Variants in TRAPPC9 observed in about 807,000 individuals in gnomAD.
TRAPPC9 encodes IKK2 binding protein.
In TRAPPC9, 83 loss-of-function variants were observed where a neutral mutation model predicts 124.0. The observed-to-expected ratio is 0.67, with a 90% CI of 0.56 to 0.80. The LOEUF is 0.80. TRAPPC9 is among the 30% of genes least tolerant of loss of function. TRAPPC9 has a pLI of 0.00. For missense variants in TRAPPC9, 1,302 were observed against 1,508.3 expected (o/e 0.86, Z 2.27); for synonymous variants, 638 against 617.5 (o/e 1.03, Z -0.49).
intron 19 of TRAPPC9, among the ~76,000 whole-genome samples, chr8:139,946,914 G>A (rs1054900904): frequency 6.6e-6 from 1 of 152,058 alleles, no homozygotes; most frequent in African/African-American, 2.4e-5. Flanking sequence ...TTGAACCCAG[G>A]AGGCAGAGGT....
intron 17 of TRAPPC9, among the ~76,000 whole-genome samples, chr8:140,140,046 A>G (rs1246876203): frequency 2.6e-5 from 4 of 152,206 alleles, no homozygotes; most frequent in Non-Finnish European, 4.4e-5. Flanking sequence ...GCAGGACCAC[A>G]ACGGGGTGCT....
At chr8:139,797,140 G>A (rs1447645705) in intron 21 of TRAPPC9, among the ~76,000 whole-genome samples, 1 of 151,514 alleles carries the variant, frequency 6.6e-6, no homozygotes. Context: ...CGTATATTCT[G>A]GATACCAGTC....
chr8:140,411,056 G>A (rs972286185), intron 5 of TRAPPC9, among the ~76,000 whole-genome samples: 3 of 152,106 alleles, frequency 2.0e-5, no homozygotes, highest in African/African-American at 7.2e-5. Flanking sequence ...AGCACCCTGT[G>A]TATTTATCCT....
At chr8:140,113,458 G>C (rs1424619317) in intron 17 of TRAPPC9, among the ~76,000 whole-genome samples, 1 of 152,236 alleles carries the variant, frequency 6.6e-6, no homozygotes, top group Non-Finnish European at 1.5e-5. Flanking sequence ...TTTTAAAACA[G>C]CAAAAATGTC....
intron 21 of TRAPPC9, among the ~76,000 whole-genome samples, chr8:139,865,414 T>G (rs1191208086): frequency 6.6e-6 from 1 of 152,208 alleles, no homozygotes; most frequent in African/African-American, 2.4e-5. Flanking sequence ...AAGCATTTAC[T>G]TTGTACCCAC....
At chr8:140,431,692 C>T (rs981419920) in intron 4 of TRAPPC9, among the ~76,000 whole-genome samples, 1 of 152,232 alleles carries the variant, frequency 6.6e-6, no homozygotes, top group African/African-American at 2.4e-5. Flanking sequence ...AATTAGGAGC[C>T]CCTGCTCATA....
intron 15 of TRAPPC9, among the ~76,000 whole-genome samples, chr8:140,264,391 T>G (rs186767310): frequency 1.5e-4 from 23 of 152,256 alleles, no homozygotes; most frequent in East Asian, 1.4e-3. Flanking sequence ...CTTCCTTCCA[T>G]GTGTTATGAG....
intron 17 of TRAPPC9, among the ~76,000 whole-genome samples, chr8:140,174,741 A>G (rs1002813458): frequency 6.6e-6 from 1 of 152,242 alleles, no homozygotes; most frequent in Admixed American, 6.5e-5. Context: ...AGCATGGATC[A>G]GTACGTCACT....
intron 16 of TRAPPC9, among the ~76,000 whole-genome samples, chr8:140,249,404 C>A (rs1350275960): frequency 6.6e-6 from 1 of 152,102 alleles, no homozygotes. Context: ...TGTATATGTA[C>A]CACATTTTCT....
chr8:139,973,135 G>C, intron 19 of TRAPPC9, among the ~76,000 whole-genome samples: 1 of 152,246 alleles, frequency 6.6e-6, no homozygotes, highest in Non-Finnish European at 1.5e-5. Flanking sequence ...CCCAGTTATT[G>C]TGGCCCTGCA....
At chr8:140,235,532 T>C (rs2063711078) in intron 16 of TRAPPC9, among the ~76,000 whole-genome samples, 1 of 152,184 alleles carries the variant, frequency 6.6e-6, no homozygotes, top group South Asian at 2.1e-4. Flanking sequence ...AATAAGTATA[T>C]AACAGATGTG....
intron 17 of TRAPPC9, among the ~76,000 whole-genome samples, chr8:140,185,200 A>G (rs748626192): frequency 6.6e-6 from 1 of 152,212 alleles, no homozygotes; most frequent in Non-Finnish European, 1.5e-5. Flanking sequence ...CACACTGGTG[A>G]CAGGCACTCC....
chr8:139,973,296 G>A (rs773835832), intron 19 of TRAPPC9, among the ~76,000 whole-genome samples: 1 of 152,192 alleles, frequency 6.6e-6, no homozygotes, highest in Non-Finnish European at 1.5e-5. Flanking sequence ...GCAGCAGGGT[G>A]GCCACGGGCC....
intron 20 of TRAPPC9, among the ~76,000 whole-genome samples, chr8:139,894,972 G>A (rs914157392): frequency 2.0e-4 from 30 of 152,176 alleles, no homozygotes; most frequent in South Asian, 4.1e-4. Flanking sequence ...TACGACAAGG[G>A]CTGTGCCTGT....
At chr8:139,900,468 C>T (rs1038019185) in intron 20 of TRAPPC9, among the ~76,000 whole-genome samples, 2 of 152,228 alleles carry the variant, frequency 1.3e-5, no homozygotes, top group Non-Finnish European at 2.9e-5. Flanking sequence ...TGGGGGCCTC[C>T]CTATGTTAAA....
chr8:140,063,091 T>C lies in TRAPPC9; in HGVS notation c.2557-39012A>G, dbSNP rs1431313558. 6.6e-6 allele frequency among the ~76,000 whole-genome samples: 1 copy of C among 152,060 alleles called. No individual in the cohort carries two copies. The highest frequency in any genetic ancestry group is 1.9e-4 in the East Asian group (1 of 5,176). On this transcript the variant is annotated intron_variant, in intron 17 of 22. Transcript: ENST00000438773. The surrounding 1 kb of genome is among the most constrained non-coding windows in gnomAD (Gnocchi z 4.3). ...GAGGAACTACTGAACACCTGAACAC[T>C]TACAAACCCATCAGATCCTATGAGA...
intron 20 of TRAPPC9, among the ~76,000 whole-genome samples, chr8:139,891,948 C>T (rs1830377011): frequency 6.6e-6 from 1 of 152,236 alleles, no homozygotes; most frequent in Non-Finnish European, 1.5e-5. Context: ...CATGGCAGCC[C>T]ACTCTGCCCC....
chr8:139,890,871 T>TAAA (rs1000486205), intron 20 of TRAPPC9, among the ~76,000 whole-genome samples: 1 of 144,358 alleles, frequency 6.9e-6, no homozygotes, highest in Non-Finnish European at 1.5e-5. Flanking sequence ...TTTAAAAATT[T>TAAA]AAAAAAAAAA....
chr8:139,916,589 G>A lies in TRAPPC9; in HGVS notation c.2811-6289C>T, dbSNP rs561874612. ...CTACTTGCTTCTGTTCATCTCTGACGGCAGAGTTAAATAAAATTAATACTA... is the reference window on the plus strand; with the variant it reads ...CTACTTGCTTCTGTTCATCTCTGACAGCAGAGTTAAATAAAATTAATACTA... On this transcript the variant is annotated intron_variant, in intron 19 of 22. Transcript: ENST00000438773. 1.1e-4 allele frequency: 17 copies of A among 152,282 alleles called. No homozygotes were observed. The South Asian group carries it at 2.1e-3, about 19-fold the overall frequency. 9.4% of individuals were successfully genotyped at this position (152,282 alleles called of 1,614,324 possible). A position where few individuals can be genotyped will look rare whatever the true frequency, so the allele number is the denominator to read the frequency against.
Sources: gnomAD v4.1 joint callset for allele counts (sites outside exome capture counted in the v4.1 genomes callset) on GRCh38, gnomAD v4.1.1 for gene constraint, Gnocchi (gnomAD v3.1) non-coding constraint, MANE v1.5 for transcripts, NCBI Gene and HGNC (gene_info 2026-07-23, HGNC 2026-07-21) for gene names.